The following RSRC1 variants were observed in gnomAD, a reference collection of about 807,000 sequenced individuals.
The protein encoded by RSRC1 is serine/Arginine-related protein 53.
In RSRC1, 39 loss-of-function variants were observed where a neutral mutation model predicts 49.1. The ratio of observed to expected loss-of-function variants is 0.79; its 90% CI spans 0.61 to 1.04. RSRC1 has a LOEUF of 1.04. Among genes scored for constraint, RSRC1 ranks in the 50% least tolerant of loss-of-function variants. The pLI, the probability that RSRC1 is intolerant of heterozygous loss-of-function variation, is 0.00. For missense variants in RSRC1, 388 were observed against 402.4 expected, an observed-to-expected ratio of 0.96 and a Z score of 0.31; for synonymous variants, 143 against 130.8, an observed-to-expected ratio of 1.09 and a Z score of -0.63.
intron 7 of RSRC1, among the ~76,000 whole-genome samples, chr3:158,523,368 A>C (rs186386698): frequency 1.3e-4 from 20 of 152,216 alleles, no homozygotes; most frequent in African/African-American, 4.8e-4. Context: ...TTAGATGTCT[A>C]TACTCCCTGT....
At chr3:158,266,038 T>G (rs1424292685) in intron 4 of RSRC1, among the ~76,000 whole-genome samples, 1 of 152,186 alleles carries the variant, frequency 6.6e-6, no homozygotes. Context: ...CTTTGCATTC[T>G]GTTTTATTTA....
At chr3:158,357,568 A>AAGAGTAC (rs1272912146) in intron 6 of RSRC1, among the ~76,000 whole-genome samples, 1 of 152,176 alleles carries the variant, frequency 6.6e-6, no homozygotes, top group Non-Finnish European at 1.5e-5. Flanking sequence ...TAGGTAGGGG[A>AAGAGTAC]AGAGTACATA....
At chr3:158,314,767 T>TA (rs1320895222) in intron 5 of RSRC1, among the ~76,000 whole-genome samples, 1 of 152,196 alleles carries the variant, frequency 6.6e-6, no homozygotes, top group African/African-American at 2.4e-5. Flanking sequence ...CAATATAATT[T>TA]AAAAAATGTA....
chr3:158,354,989 A>T, intron 6 of RSRC1, 81 bp downstream of exon 6: 1 of 694,884 alleles, frequency 1.4e-6, no homozygotes, highest in Non-Finnish European at 2.1e-6. Flanking sequence ...GAAATGAGTA[A>T]AAAAAAAAAC....
chr3:158,174,779 C>A (rs1719102386), intron 3 of RSRC1, among the ~76,000 whole-genome samples: 1 of 151,908 alleles, frequency 6.6e-6, no homozygotes, highest in Non-Finnish European at 1.5e-5. Context: ...TAGATTGTAT[C>A]CATTTTGGTA....
At chr3:158,141,411 C>G (rs1559916016) in intron 3 of RSRC1, among the ~76,000 whole-genome samples, 3 of 152,164 alleles carry the variant, frequency 2.0e-5, no homozygotes, top group Non-Finnish European at 4.4e-5. Context: ...TGTTCTTTAA[C>G]AGGATTCACA....
At chr3:158,117,540 C>T (rs185066359) in intron 1 of RSRC1, among the ~76,000 whole-genome samples, 79 of 152,264 alleles carry the variant, frequency 5.2e-4, no homozygotes, top group Non-Finnish European at 1.0e-3. Context: ...AATCCACCCA[C>T]TTCGGCCTGC....
chr3:158,432,685 A>G (rs115890218), intron 6 of RSRC1, among the ~76,000 whole-genome samples: 243 of 152,056 alleles, frequency 1.6e-3, no homozygotes, highest in African/African-American at 5.7e-3. Flanking sequence ...TTTCATTCAC[A>G]TACTGTTTCT....
intron 3 of RSRC1, among the ~76,000 whole-genome samples, chr3:158,159,042 C>G (rs1718053621): frequency 1.3e-5 from 2 of 151,984 alleles, no homozygotes; most frequent in Admixed American, 1.3e-4. Flanking sequence ...ATTTCCCAAC[C>G]AAGAATGTTG....
At chr3:158,284,518 A>C (rs1726389896) in intron 4 of RSRC1, among the ~76,000 whole-genome samples, 1 of 148,918 alleles carries the variant, frequency 6.7e-6, no homozygotes, top group Admixed American at 6.7e-5. Context: ...AACAGTGTAA[A>C]AGTGTTCCTA....
At chr3:158,355,385 G>T (rs1731102004) in intron 6 of RSRC1, among the ~76,000 whole-genome samples, 1 of 150,654 alleles carries the variant, frequency 6.6e-6, no homozygotes, top group East Asian at 2.0e-4. Flanking sequence ...ATATTTTATG[G>T]TTTTACACTT....
intron 7 of RSRC1, among the ~76,000 whole-genome samples, chr3:158,496,301 T>C (rs1246861690): frequency 6.6e-6 from 1 of 152,170 alleles, no homozygotes; most frequent in Non-Finnish European, 1.5e-5. Flanking sequence ...CAAGCTTTAG[T>C]GTGCCTCAAA....
chr3:158,301,905 TCTC>T lies in RSRC1; in HGVS notation c.531+3835_531+3837del, dbSNP rs564131141. ...GTCACTCTCTTGCTTTCTAGCCTGT[TCTC>T]CTCCACCCCTTGTAAACAGCCAATT... On this transcript the variant is annotated intron_variant, in intron 5 of 9. Coordinates refer to ENST00000611884, the MANE Select transcript of RSRC1 (RefSeq NM_001271838.2). Among the ~76,000 whole-genome samples, 933 of 152,196 alleles carry T rather than the reference TCTC, an allele frequency of 6.1e-3. 11 individuals are homozygous for T. The highest frequency in any genetic ancestry group is 0.02 in the African/African-American group (829 of 41,556).
At chr3:158,176,102 A>T (rs1443995640) in intron 3 of RSRC1, among the ~76,000 whole-genome samples, 2 of 152,180 alleles carry the variant, frequency 1.3e-5, no homozygotes, top group African/African-American at 4.8e-5. Flanking sequence ...AAGGGATGTG[A>T]AGGACCTCTT....
At chr3:158,324,453 A>G (rs1452611352) in intron 5 of RSRC1, among the ~76,000 whole-genome samples, 4 of 152,134 alleles carry the variant, frequency 2.6e-5, no homozygotes, top group East Asian at 3.9e-4. Flanking sequence ...TCATTGTTCA[A>G]TTCCCACCTA....
intron 3 of RSRC1, among the ~76,000 whole-genome samples, chr3:158,144,471 T>A (rs1397348520): frequency 6.6e-6 from 1 of 152,204 alleles, no homozygotes; most frequent in Non-Finnish European, 1.5e-5. Context: ...AACTCATCAT[T>A]TTTTACGGCT....
chr3:158,242,711 G>C (rs1723663239), intron 4 of RSRC1, among the ~76,000 whole-genome samples: 1 of 151,604 alleles, frequency 6.6e-6, no homozygotes, highest in African/African-American at 2.4e-5. Context: ...GCCAGCTTCT[G>C]TTTTTGTTTT....
chr3:158,412,956 C>A (rs112669140), intron 6 of RSRC1, among the ~76,000 whole-genome samples: 2 of 152,050 alleles, frequency 1.3e-5, no homozygotes, highest in Non-Finnish European at 2.9e-5. Flanking sequence ...CATTAAACTA[C>A]CATTGACATT....
In RSRC1 at chr3:158,316,691, G is replaced by T. The variant is rs1388916605; in HGVS notation, c.531+18616G>T. ...GATCTCCTGACCTTGTGATCCGCCC[G>T]CCTCGGCCTCCCAAAGTGCTGGGAT... On this transcript the variant is annotated intron_variant, in intron 5 of 9. Coordinates refer to ENST00000611884, the MANE Select transcript of RSRC1 (RefSeq NM_001271838.2). Among the ~76,000 whole-genome samples, 4 of 151,926 alleles carry T rather than the reference G, an allele frequency of 2.6e-5. 1 individual carries two copies. Among genetic ancestry groups the T allele is most frequent in the African/African-American group, 9.7e-5 (4 of 41,332 alleles).
Sources: gnomAD v4.1 joint callset for allele counts (sites outside exome capture counted in the v4.1 genomes callset) on GRCh38, gnomAD v4.1.1 for gene constraint, MANE v1.5 for transcripts, NCBI Gene and HGNC (gene_info 2026-07-23, HGNC 2026-07-21) for gene names.